The following NCKAP5 variants were observed in gnomAD, a reference collection of about 807,000 sequenced individuals.
NCKAP5 encodes the protein NCK associated protein 5.
NCKAP5 carries 92 observed loss-of-function variants against 167.0 expected under a neutral mutation model. The observed-to-expected ratio is 0.55, with a 90% CI of 0.47 to 0.66. NCKAP5 has a LOEUF of 0.66. Ranked by LOEUF, NCKAP5 falls within the 30% of genes least tolerant of loss-of-function variation. The probability of loss-of-function intolerance (pLI) is 0.00; values close to 1 mark genes in which losing one functional copy is unlikely to be tolerated. For synonymous variants in NCKAP5, 891 were observed against 877.4 expected, an observed-to-expected ratio of 1.02 and a Z score of -0.27; for missense variants, 2,378 against 2,315.0, an observed-to-expected ratio of 1.03 and a Z score of -0.56.
intron 6 of NCKAP5, among the ~76,000 whole-genome samples, chr2:133,073,909 C>A (rs1213500213): frequency 3.9e-5 from 6 of 152,198 alleles, no homozygotes; most frequent in Admixed American, 6.5e-5. Flanking sequence ...CCAGTTGTAT[C>A]TAATGGCTAC....
In NCKAP5 at chr2:133,567,990, C is replaced by T. The variant is rs546910435; in HGVS notation, c.-130+226G>A. 6.6e-5 allele frequency among the ~76,000 whole-genome samples: 10 copies of T among 152,328 alleles called. 1 individual carries two copies. Among genetic ancestry groups the T allele is most frequent in the Admixed American group, 5.9e-4 (9 of 15,302 alleles). On this transcript the variant is annotated intron_variant, in intron 1 of 19. Transcript: ENST00000409261. ...GATTAGCCATTCAGTATCTCCTTAT[C>T]ATCTGCATCCTGGTATTTGTTCTCA...
chr2:132,685,053 T>C (rs1685757612), intron 19 of NCKAP5, among the ~76,000 whole-genome samples: 3 of 152,316 alleles, frequency 2.0e-5, no homozygotes, highest in East Asian at 3.9e-4. Flanking sequence ...GTGTAACCTT[T>C]CATATAATAA....
At chr2:132,867,984 A>G (rs1462875975) in intron 10 of NCKAP5, among the ~76,000 whole-genome samples, 3 of 152,236 alleles carry the variant, frequency 2.0e-5, no homozygotes, top group African/African-American at 7.2e-5. Context: ...AAGAAAGTCT[A>G]GCAAAAGTAT....
intron 3 of NCKAP5, among the ~76,000 whole-genome samples, chr2:133,383,723 C>T (rs1686705285): frequency 6.6e-6 from 1 of 152,156 alleles, no homozygotes; most frequent in African/African-American, 2.4e-5. Flanking sequence ...CTCTCCAGCA[C>T]CTGTTATTTC....
At chr2:133,083,974 C>T (rs1048538865) in intron 6 of NCKAP5, among the ~76,000 whole-genome samples, 2 of 152,178 alleles carry the variant, frequency 1.3e-5, no homozygotes, top group Non-Finnish European at 2.9e-5. Context: ...GTGTAACTGC[C>T]TGGAGGAGTC....
rs765464937 is a variant in NCKAP5 at position 133,130,096 on chromosome 2, G to A, written c.223C>T (p.His75Tyr). 6.2e-7 allele frequency: 1 copy of A among 1,609,634 alleles called. No individual in the cohort carries two copies. Among genetic ancestry groups the A allele is most frequent in the Non-Finnish European group, 8.5e-7 (1 of 1,178,692 alleles). Residue 75 changes from histidine to tyrosine, a missense_variant, in exon 6 of 20, where the codon CAT (histidine) becomes TAT (tyrosine). Coordinates refer to ENST00000409261, the MANE Select transcript of NCKAP5 (RefSeq NM_207363.3). Reference protein sequence around the residue: ...SEGAMHEKLIHELEEERHLRL... With the variant: ...SEGAMHEKLIYELEEERHLRL... Reference sequence around the variant, plus strand: ...AAGTGTCTCTCCTCTTCCAGTTCATGTATCAGCTTCTCATGCTATAAAAGA... The same window carrying A: ...AAGTGTCTCTCCTCTTCCAGTTCATATATCAGCTTCTCATGCTATAAAAGA...
chr2:133,472,212 A>G (rs1679400901), intron 3 of NCKAP5, among the ~76,000 whole-genome samples: 1 of 152,038 alleles, frequency 6.6e-6, no homozygotes, highest in South Asian at 2.1e-4. Flanking sequence ...TATTATAAAC[A>G]TTATTTTCCA....
chr2:132,986,617 T>A (rs2077296351), intron 7 of NCKAP5, among the ~76,000 whole-genome samples: 1 of 152,194 alleles, frequency 6.6e-6, no homozygotes, highest in Non-Finnish European at 1.5e-5. Flanking sequence ...ATGTTAGAAA[T>A]TTGGCAAATA....
At position 133,096,213 on chromosome 2, in the gene NCKAP5, A is replaced by G. The variant is rs142672075; in HGVS notation, c.341+33765T>C. On this transcript the variant is annotated intron_variant, in intron 6 of 19. Coordinates refer to ENST00000409261, the MANE Select transcript of NCKAP5 (RefSeq NM_207363.3). Reference sequence around the variant, plus strand: ...ATATAAAATTTCTGATAATTAGGCCAGGCACAATGGCTCACACATGTAATC... The same window carrying G: ...ATATAAAATTTCTGATAATTAGGCCGGGCACAATGGCTCACACATGTAATC... Among the ~76,000 whole-genome samples, 272 of 152,304 alleles carry G rather than the reference A, an allele frequency of 1.8e-3. 1 individual carries two copies. The highest frequency in any genetic ancestry group is 6.8e-3 in the Middle Eastern group (2 of 294).
chr2:133,017,483 T>C (rs1406711697), intron 6 of NCKAP5, among the ~76,000 whole-genome samples: 1 of 152,172 alleles, frequency 6.6e-6, no homozygotes, highest in Non-Finnish European at 1.5e-5. Flanking sequence ...CTTCAAAATG[T>C]GAAATATGCC....
intron 6 of NCKAP5, among the ~76,000 whole-genome samples, chr2:133,040,264 C>G (rs1281862047): frequency 6.6e-6 from 1 of 152,060 alleles, no homozygotes; most frequent in Non-Finnish European, 1.5e-5. Flanking sequence ...AGTTCTTGCG[C>G]TTTTATATTA....
intron 2 of NCKAP5, among the ~76,000 whole-genome samples, chr2:133,535,126 T>C (rs1685659051): frequency 6.6e-6 from 1 of 152,210 alleles, no homozygotes; most frequent in African/African-American, 2.4e-5. Flanking sequence ...GCTACTTGTA[T>C]ATTGTTTTAA....
chr2:132,726,851 T>C (rs1410781808), intron 18 of NCKAP5, among the ~76,000 whole-genome samples: 1 of 152,206 alleles, frequency 6.6e-6, no homozygotes, highest in Non-Finnish European at 1.5e-5. Flanking sequence ...ATACCAGTAG[T>C]CTAGCAAGGA....
At chr2:133,249,399 C>T (rs1289868874) in intron 4 of NCKAP5, among the ~76,000 whole-genome samples, 1 of 152,180 alleles carries the variant, frequency 6.6e-6, no homozygotes, top group East Asian at 1.9e-4. Flanking sequence ...AGGTTAAATT[C>T]TCCCTGAGAA....
chr2:133,043,558 A>G (rs958472138), intron 6 of NCKAP5, among the ~76,000 whole-genome samples: 6 of 152,302 alleles, frequency 3.9e-5, no homozygotes, highest in Admixed American at 2.6e-4. Flanking sequence ...ATGTTTTAAG[A>G]AAGCTTACAA....
At chr2:132,936,013 GCT>G (rs1226464473) in intron 8 of NCKAP5, among the ~76,000 whole-genome samples, 2 of 144,248 alleles carry the variant, frequency 1.4e-5, no homozygotes, top group African/African-American at 5.2e-5. Context: ...ACAGAGTCCC[GCT>G]CTGTCGCCCA....
chr2:132,755,783 A>C (rs910977909), intron 16 of NCKAP5, among the ~76,000 whole-genome samples: 1 of 151,242 alleles, frequency 6.6e-6, no homozygotes, highest in Non-Finnish European at 1.5e-5. Context: ...GTGAGCCGAG[A>C]TCGTGCCGCT....
At chr2:132,701,862 G>A (rs1031713972) in intron 19 of NCKAP5, among the ~76,000 whole-genome samples, 7 of 151,446 alleles carry the variant, frequency 4.6e-5, no homozygotes, top group Admixed American at 3.9e-4. Flanking sequence ...GAGGTGAGAG[G>A]ACAGCACTGG....
intron 6 of NCKAP5, among the ~76,000 whole-genome samples, chr2:133,071,495 C>A (rs754317844): frequency 6.6e-6 from 1 of 152,118 alleles, no homozygotes; most frequent in Non-Finnish European, 1.5e-5. Context: ...CCCTAACATG[C>A]CAAGATTGGT....
Sources: allele counts gnomAD v4.1 joint callset (sites outside exome capture counted in the v4.1 genomes callset), GRCh38; gene constraint gnomAD v4.1.1; transcripts MANE v1.5; gene names NCBI Gene and HGNC (gene_info 2026-07-23, HGNC 2026-07-21).